The following VAMP4 variants were observed in gnomAD, a reference collection of about 807,000 sequenced individuals.
VAMP4 encodes the protein vesicle associated membrane protein 4, also known as vesicle-associated membrane protein 4.
Under a neutral mutation model 23.5 loss-of-function variants are expected in VAMP4, and 19 were observed. That is an observed-to-expected ratio of 0.81 (90% CI 0.56 to 1.19). The LOEUF is 1.19. VAMP4 is among the 50% of genes most tolerant of loss of function. VAMP4 has a pLI of 0.00. For missense variants in VAMP4, 145 were observed against 168.6 expected, an observed-to-expected ratio of 0.86 and a Z score of 0.78; for synonymous variants, 31 against 51.0, an observed-to-expected ratio of 0.61 and a Z score of 1.67.
chr1:171,712,522 C>T (rs1343646178), intron 4 of VAMP4, among the ~76,000 whole-genome samples: 1 of 152,286 alleles, frequency 6.6e-6, no homozygotes. Context: ...TGTACACCCA[C>T]TGATTACCCA....
Position 171,703,423 on chromosome 1 carries a change from GTGTATATATATATATATATATA to G in VAMP4, c.*1061_*1082del, listed in dbSNP as rs1433063299. 42 of 81,932 alleles carry G rather than the reference GTGTATATATATATATATATATA, an allele frequency of 5.1e-4. 2 individuals are homozygous for G. The highest frequency in any genetic ancestry group is 1.6e-3 in the African/African-American group (34 of 20,682). 5.1% of individuals were successfully genotyped at this position (81,932 alleles called of 1,614,324 possible). A position where few individuals can be genotyped will look rare whatever the true frequency, so the allele number is the denominator to read the frequency against. On this transcript the variant is annotated 3_prime_UTR_variant, in exon 8 of 8. Coordinates refer to ENST00000236192, the MANE Select transcript of VAMP4 (RefSeq NM_003762.5). ...TGTGTGTGTGTGTGTGTGTGTTTGT[GTGTATATATATATATATATATA>G]TATATATATATATATATATATATAC... is the stretch of plus-strand genomic sequence containing the variant.
chr1:171,706,392 A>G lies in VAMP4; in HGVS notation c.372T>C (p.Ala124=). Residue 124 remains alanine, a synonymous_variant, in exon 7 of 8, where the codon GCT becomes GCC. Coordinates refer to ENST00000236192, the MANE Select transcript of VAMP4 (RefSeq NM_003762.5). ...TGATAATCACTAGCAAAAGGATAGC[A>G]GCAACCAAAGCCATGATGGCTTTTA... ...CKIKAIMALV[A]AILLLVIIIL... The G allele has an allele frequency of 6.2e-7, 1 of 1,610,062 alleles. No homozygotes were observed. Among genetic ancestry groups the G allele is most frequent in the Non-Finnish European group, 8.5e-7 (1 of 1,177,996 alleles).
chr1:171,711,441 C>T (rs778235430), intron 4 of VAMP4, among the ~76,000 whole-genome samples: 4 of 151,982 alleles, frequency 2.6e-5, no homozygotes, highest in South Asian at 2.1e-4. Context: ...GAAGTACCCA[C>T]CAGGAAGCAA....
At chr1:171,710,859 T>C (rs756045523) in intron 4 of VAMP4, 45 bp from the exon 5 acceptor site, 2 of 1,414,368 alleles carry the variant, frequency 1.4e-6, no homozygotes, top group Non-Finnish European at 1.9e-6. Context: ...CTTTTGAGAA[T>C]GCTTACAATT....
rs11301465 is a variant in VAMP4 at position 171,717,618 on chromosome 1, CTT to C, written c.164+1551_164+1552del. On this transcript the variant is annotated intron_variant, in intron 4 of 7. Coordinates refer to ENST00000236192, the MANE Select transcript of VAMP4 (RefSeq NM_003762.5). Reference sequence around the variant, plus strand: ...TTTGTACTGCAGCCATTGACCTCCCCTTTTTTTTTTAAGAGAAGGGGGTTTCA... The same window carrying C: ...TTTGTACTGCAGCCATTGACCTCCCCTTTTTTTTAAGAGAAGGGGGTTTCA... 2.7e-3 allele frequency among the ~76,000 whole-genome samples: 400 copies of C among 149,620 alleles called. 4 individuals carry two copies. Among genetic ancestry groups the C allele is most frequent in the African/African-American group, 8.8e-3 (360 of 41,004 alleles).
chr1:171,737,982 T>TA (rs1156473308), intron 2 of VAMP4, among the ~76,000 whole-genome samples: 1 of 152,208 alleles, frequency 6.6e-6, no homozygotes, highest in African/African-American at 2.4e-5. Context: ...TATTATTAGT[T>TA]AATTAATTTT....
chr1:171,704,621 C>T, intron 7 of VAMP4, 87 bp from the exon 8 acceptor site: 1 of 1,066,358 alleles, frequency 9.4e-7, no homozygotes, highest in South Asian at 2.2e-5. Context: ...GTAGTTGTGT[C>T]TACTTTTAGA....
rs1254575825 is a variant in VAMP4 at position 171,703,421 on chromosome 1, GTGTGTATATATA to G, written c.*1073_*1084del. 9 of 87,538 alleles carry G rather than the reference GTGTGTATATATA, an allele frequency of 1.0e-4. No individual in the cohort carries two copies. Among genetic ancestry groups the G allele is most frequent in the African/African-American group, 3.1e-4 (7 of 22,356 alleles). 5.4% of individuals were successfully genotyped at this position (87,538 alleles called of 1,614,324 possible). A position where few individuals can be genotyped will look rare whatever the true frequency, so the allele number is the denominator to read the frequency against. On this transcript the variant is annotated 3_prime_UTR_variant, in exon 8 of 8. Coordinates refer to ENST00000236192, the MANE Select transcript of VAMP4 (RefSeq NM_003762.5). ...TGTGTGTGTGTGTGTGTGTGTGTTT[GTGTGTATATATA>G]TATATATATATATATATATATATAT...
intron 2 of VAMP4, among the ~76,000 whole-genome samples, chr1:171,733,952 C>A (rs528919952): frequency 1.4e-4 from 22 of 152,054 alleles, no homozygotes; most frequent in Non-Finnish European, 2.9e-4. Flanking sequence ...GATAAATGGG[C>A]AAACCAAATG....
intron 1 of VAMP4, among the ~76,000 whole-genome samples, chr1:171,740,354 AGTTT>A (rs1041358766): frequency 1.1e-3 from 162 of 152,348 alleles, no homozygotes; most frequent in African/African-American, 3.5e-3. Context: ...GTTAGACATC[AGTTT>A]GTTTGTTAAT....
chr1:171,707,068 T>C (rs1385234931), intron 6 of VAMP4, among the ~76,000 whole-genome samples: 1 of 152,176 alleles, frequency 6.6e-6, no homozygotes, highest in Non-Finnish European at 1.5e-5. Context: ...TTTCTAACAC[T>C]GGGCAGAAAA....
chr1:171,719,212 T>C lies in VAMP4; in HGVS notation c.123A>G (p.Pro41=). 1.2e-6 allele frequency: 2 copies of C among 1,611,826 alleles called. No homozygotes were observed. Among genetic ancestry groups the C allele is most frequent in the Non-Finnish European group, 1.7e-6 (2 of 1,178,860 alleles). The part of the protein sequence containing the change: ...DEEEDFFLRG[P]SGPRFGPRND... ...TTCTAGGTCCAAATCTTGGTCCAGA[T>C]GGTCCCCTTCTGAAAACAAGTACAT... is the stretch of plus-strand genomic sequence containing the variant. Residue 41 remains proline (P), a synonymous_variant, in exon 4 of 8, where the codon CCA becomes CCG. Transcript: ENST00000236192.
intron 7 of VAMP4, 38 bp downstream of exon 7, chr1:171,706,329 A>G (rs1248291949): frequency 6.4e-7 from 1 of 1,570,572 alleles, no homozygotes; most frequent in East Asian, 2.3e-5. Context: ...TCCAAAATAA[A>G]TGATACCCTA....
chr1:171,704,585 CTA>C (rs1654587599), intron 7 of VAMP4, 51 bp from the exon 8 acceptor site: 2 of 1,372,592 alleles, frequency 1.5e-6, no homozygotes, highest in Non-Finnish European at 2.0e-6. Context: ...GATATATATG[CTA>C]TGTTTGAAGC....
rs1654503545 is a variant in VAMP4, at chr1:171,703,101, C to T, written c.*1405G>A. On this transcript the variant is annotated 3_prime_UTR_variant, in exon 8 of 8. Transcript: ENST00000236192. Reference sequence around the variant, plus strand: ...ATAAAATAAACATAAAATCATTTTTCCCTATTTAAATACTGATAATTTCTA... The same window carrying T: ...ATAAAATAAACATAAAATCATTTTTTCCTATTTAAATACTGATAATTTCTA... 1 of 151,628 alleles carries T rather than the reference C, an allele frequency of 6.6e-6. No individual in the cohort carries two copies. The highest frequency in any genetic ancestry group is 1.5e-5 in the Non-Finnish European group (1 of 67,774). The allele number at this position is 151,628 out of a possible 1,614,324, so 9.4% of individuals were successfully genotyped here. A position where few individuals can be genotyped will look rare whatever the true frequency, so the allele number is the denominator to read the frequency against.
At chr1:171,740,871 C>T (rs1361963718) in intron 1 of VAMP4, among the ~76,000 whole-genome samples, 2 of 152,188 alleles carry the variant, frequency 1.3e-5, no homozygotes, top group Non-Finnish European at 2.9e-5. Context: ...AAACCATGTG[C>T]AACAAATAGC....
At chr1:171,708,876 GAAAA>G (rs75439179) in intron 6 of VAMP4, among the ~76,000 whole-genome samples, 4 of 84,214 alleles carry the variant, frequency 4.7e-5, no homozygotes, top group East Asian at 4.4e-4. Context: ...CTATCTCAAA[GAAAA>G]AAAAAAAAAA....
At chr1:171,737,945 A>T (rs1655794048) in intron 2 of VAMP4, among the ~76,000 whole-genome samples, 1 of 151,308 alleles carries the variant, frequency 6.6e-6, no homozygotes, top group South Asian at 2.1e-4. Flanking sequence ...GAATATAGTC[A>T]TAAGCTTTTG....
chr1:171,734,640 A>G (rs1475296974), intron 2 of VAMP4, among the ~76,000 whole-genome samples: 1 of 152,248 alleles, frequency 6.6e-6, no homozygotes, highest in Non-Finnish European at 1.5e-5. Flanking sequence ...CCAAAAAAGT[A>G]TAATAGGAAA....
Sources: allele counts gnomAD v4.1 joint callset (sites outside exome capture counted in the v4.1 genomes callset), GRCh38; gene constraint gnomAD v4.1.1; transcripts MANE v1.5; gene names NCBI Gene and HGNC (gene_info 2026-07-23, HGNC 2026-07-21).